Variants in GDPD1 observed in about 807,000 individuals in gnomAD.
The protein encoded by GDPD1 is glycerophosphodiester phosphodiesterase domain containing 1, also known as lysophospholipase D GDPD1.
GDPD1 carries 28 observed loss-of-function variants against 45.1 expected under a neutral mutation model. That is an observed-to-expected ratio of 0.62 (90% confidence interval 0.46 to 0.85). The LOEUF (loss-of-function observed/expected upper bound fraction) is 0.85, where lower values mean the gene tolerates loss of function less well. GDPD1 is among the 40% of genes least tolerant of loss of function. The pLI is 0.00. For missense variants in GDPD1, 256 were observed against 364.8 expected (o/e 0.70, Z 2.43); for synonymous variants, 139 against 131.4 (o/e 1.06, Z -0.40).
chr17:59,230,531 C>T (rs1241134066), intron 1 of GDPD1, among the ~76,000 whole-genome samples: 3 of 151,634 alleles, frequency 2.0e-5, no homozygotes, highest in African/African-American at 4.8e-5. Flanking sequence ...TACAGGCATG[C>T]GCCACCATGC....
chr17:59,221,149 A>AC (rs1195813069), intron 1 of GDPD1, among the ~76,000 whole-genome samples: 1 of 152,110 alleles, frequency 6.6e-6, no homozygotes, highest in Non-Finnish European at 1.5e-5. Flanking sequence ...CCGGGAGCAC[A>AC]CTGCTCCGAG....
At chr17:59,251,962 G>A (rs1695586177) in intron 4 of GDPD1, among the ~76,000 whole-genome samples, 1 of 132,802 alleles carries the variant, frequency 7.5e-6, no homozygotes, top group African/African-American at 3.0e-5. Context: ...AGCCATGATT[G>A]TGTCACTGCA....
At chr17:59,268,010 T>G (rs2047411883) in intron 7 of GDPD1, among the ~76,000 whole-genome samples, 2 of 152,196 alleles carry the variant, frequency 1.3e-5, no homozygotes. Context: ...AGAAAAGCCT[T>G]GCATTTCACT....
chr17:59,225,209 A>T (rs1375379206), intron 1 of GDPD1, among the ~76,000 whole-genome samples: 1 of 148,700 alleles, frequency 6.7e-6, no homozygotes, highest in African/African-American at 2.5e-5. Flanking sequence ...CTGGTGCCTC[A>T]GCCTCCTGAA....
chr17:59,272,204 C>G (rs1201031098), intron 8 of GDPD1, among the ~76,000 whole-genome samples: 1 of 152,048 alleles, frequency 6.6e-6, no homozygotes, highest in African/African-American at 2.4e-5. Flanking sequence ...TAATGTCTTT[C>G]CAGTGCAATG....
chr17:59,262,389 A>G (rs2047363718), intron 6 of GDPD1, among the ~76,000 whole-genome samples: 1 of 152,154 alleles, frequency 6.6e-6, no homozygotes, highest in Non-Finnish European at 1.5e-5. Flanking sequence ...ACATTTCCAT[A>G]CAATGGAATA....
chr17:59,227,792 T>C (rs559512874), intron 1 of GDPD1, among the ~76,000 whole-genome samples: 1 of 152,332 alleles, frequency 6.6e-6, no homozygotes, highest in South Asian at 2.1e-4. Context: ...GAGAAAATCT[T>C]GCCAATTAAA....
At position 59,257,160 on chromosome 17, in the gene GDPD1, C is replaced by T. The variant is rs2047315587; in HGVS notation, c.406C>T (p.Leu136=). The T allele has an allele frequency of 1.2e-6, 2 of 1,605,828 alleles. No homozygotes were observed. Among genetic ancestry groups the T allele is most frequent in the South Asian group, 1.1e-5 (1 of 89,712 alleles). ...AGGAAAAGATAACCGAATTCCATTA[C>T]TGAAGGAAGTTTTTGAGGCCTTTCC... ...CEGKDNRIPL[L]KEVFEAFPNT... The change falls in exon 5 of 10, where the codon CTG becomes TTG. Residue 136 remains leucine, a synonymous_variant. Transcript: ENST00000284116.
chr17:59,245,599 T>G (rs2047204669), intron 3 of GDPD1, 50 bp downstream of exon 3: 1 of 1,457,560 alleles, frequency 6.9e-7, no homozygotes, highest in Non-Finnish European at 9.3e-7. Flanking sequence ...TCGCGGCCTA[T>G]AAGATTTTTT....
chr17:59,252,185 G>A (rs1167777963), intron 4 of GDPD1, among the ~76,000 whole-genome samples: 1 of 151,928 alleles, frequency 6.6e-6, no homozygotes, highest in Non-Finnish European at 1.5e-5. Flanking sequence ...GAGGTTAGGA[G>A]TTTGAGACCA....
At position 59,257,763 on chromosome 17, in the gene GDPD1, G is replaced by A. The variant is rs1262099029; in HGVS notation, c.499G>A (p.Val167Met). 2 of 1,601,892 alleles carry A rather than the reference G, an allele frequency of 1.2e-6. No homozygotes were observed. The highest frequency in any genetic ancestry group is 1.3e-5 in the African/African-American group (1 of 74,572). ...NVLIKKVSEL[V>M]KRYNREHLTV... ...TTTTCACACGTAGGTTTCAGAGTTG[G>A]TGAAGCGGTATAATCGAGAACACTT... is the stretch of plus-strand genomic sequence containing the variant. Residue 167 changes from valine (V) to methionine (M), a missense_variant, in exon 6 of 10, where the codon GTG becomes ATG. By Grantham distance (21) the Val-to-Met change is conservative. Transcript: ENST00000284116.
Position 59,255,872 on chromosome 17 carries a change from TATAC to T in GDPD1, c.368-1248_368-1245del, listed in dbSNP as rs1464703143. 5.1e-3 allele frequency among the ~76,000 whole-genome samples: 246 copies of T among 48,504 alleles called. 8 individuals carry two copies. The highest frequency in any genetic ancestry group is 0.041 in the African/African-American group (207 of 5,046). The allele number at this position is 48,504 out of a possible 152,430, so 31.8% of individuals were successfully genotyped here. ...ATATACACACGTATATATATATATA[TATAC>T]ACACACACACACACACATATATATA... On this transcript the variant is annotated intron_variant, in intron 4 of 9. Coordinates refer to ENST00000284116, the MANE Select transcript of GDPD1 (RefSeq NM_182569.4).
intron 7 of GDPD1, among the ~76,000 whole-genome samples, chr17:59,267,814 C>T (rs376662348): frequency 1.1e-4 from 17 of 151,804 alleles, no homozygotes; most frequent in South Asian, 6.2e-4. Flanking sequence ...GGATTATAGG[C>T]GCCCACCACC....
intron 4 of GDPD1, among the ~76,000 whole-genome samples, chr17:59,249,949 C>G (rs1157514904): frequency 6.6e-6 from 1 of 151,904 alleles, no homozygotes; most frequent in Non-Finnish European, 1.5e-5. Context: ...ACTTGGGAGA[C>G]TGAGTTGGGA....
At position 59,274,292 on chromosome 17, in the gene GDPD1, C is replaced by A; in HGVS notation, c.*519C>A. 7.6e-6 allele frequency: 2 copies of A among 263,738 alleles called. No individual in the cohort carries two copies. The highest frequency in any genetic ancestry group is 1.2e-5 in the Non-Finnish European group (2 of 170,310). The allele number at this position is 263,738 out of a possible 1,614,324, so 16.3% of individuals were successfully genotyped here. On this transcript the variant is annotated 3_prime_UTR_variant, in exon 10 of 10. Coordinates refer to ENST00000284116, the MANE Select transcript of GDPD1 (RefSeq NM_182569.4). ...CTTTGGGAGGCTGAGACAGGCGGAT[C>A]ATCTGAAGTCAGGAGTTAAAGACCA...
chr17:59,240,250 C>T (rs1344041181), intron 2 of GDPD1, among the ~76,000 whole-genome samples: 1 of 151,332 alleles, frequency 6.6e-6, no homozygotes, highest in Non-Finnish European at 1.5e-5. Flanking sequence ...GAGATCATGC[C>T]ACTGCACTCC....
intron 2 of GDPD1, among the ~76,000 whole-genome samples, chr17:59,239,923 G>C (rs549824471): frequency 9.2e-5 from 14 of 151,722 alleles, no homozygotes; most frequent in Admixed American, 7.9e-4. Flanking sequence ...TTTTAGAGAC[G>C]GGGTTTTGTA....
intron 7 of GDPD1, among the ~76,000 whole-genome samples, chr17:59,268,367 G>A (rs571523800): frequency 6.6e-6 from 1 of 151,690 alleles, no homozygotes; most frequent in Non-Finnish European, 1.5e-5. Context: ...ACGAGGTCAG[G>A]AGATCGAGAC....
chr17:59,258,739 C>A (rs2047329133), intron 6 of GDPD1, among the ~76,000 whole-genome samples: 1 of 152,106 alleles, frequency 6.6e-6, no homozygotes, highest in African/African-American at 2.4e-5. Context: ...ACCAATATTT[C>A]ATTATGTGTA....
Sources: gnomAD v4.1 joint callset for allele counts (sites outside exome capture counted in the v4.1 genomes callset) on GRCh38, gnomAD v4.1.1 for gene constraint, MANE v1.5 for transcripts, NCBI Gene and HGNC (gene_info 2026-07-23, HGNC 2026-07-21) for gene names.